The following GABRG3 variants were observed in gnomAD, a reference collection of about 807,000 sequenced individuals.
The protein encoded by GABRG3 is gamma-aminobutyric acid type A receptor subunit gamma3.
GABRG3 carries 25 observed loss-of-function variants against 48.8 expected under a neutral mutation model. That is an observed-to-expected ratio of 0.51 (90% CI 0.37 to 0.72). The LOEUF is 0.72. Among genes scored for constraint, GABRG3 ranks in the 30% least tolerant of loss-of-function variants. The pLI, the probability that GABRG3 is intolerant of heterozygous loss-of-function variation, is 0.00. For synonymous variants in GABRG3, 227 were observed against 217.6 expected (o/e 1.04, Z -0.38); for missense variants, 394 against 577.9 (o/e 0.68, Z 3.26).
At chr15:26,978,698 C>G (rs1486771741) in intron 2 of GABRG3, among the ~76,000 whole-genome samples, 1 of 150,292 alleles carries the variant, frequency 6.7e-6, no homozygotes, top group Admixed American at 6.6e-5. Flanking sequence ...GTCTGTCACT[C>G]TGTCAATACC....
At chr15:27,374,093 G>T (rs1895503805) in intron 5 of GABRG3, among the ~76,000 whole-genome samples, 2 of 144,194 alleles carry the variant, frequency 1.4e-5, no homozygotes, top group South Asian at 4.6e-4. Flanking sequence ...GTCAAAAGGA[G>T]TTCAATCTGA....
chr15:27,019,952 C>T (rs1895857676), intron 2 of GABRG3, among the ~76,000 whole-genome samples: 1 of 152,170 alleles, frequency 6.6e-6, no homozygotes, highest in South Asian at 2.1e-4. Flanking sequence ...ATTTGAAAGG[C>T]AGCAAATGCA....
intron 9 of GABRG3, chr15:27,530,538 T>A: frequency 2.2e-6 from 1 of 455,562 alleles, no homozygotes; most frequent in South Asian, 1.6e-5. Flanking sequence ...AGAGCTATTT[T>A]CAATATTGTA....
intron 7 of GABRG3, among the ~76,000 whole-genome samples, chr15:27,521,301 A>T (rs915351248): frequency 6.6e-6 from 1 of 152,142 alleles, no homozygotes; most frequent in African/African-American, 2.4e-5. Context: ...GACACCAAAA[A>T]GTCTGTGCCT....
intron 3 of GABRG3, among the ~76,000 whole-genome samples, chr15:27,234,077 G>A (rs935971066): frequency 2.6e-5 from 4 of 152,118 alleles, no homozygotes; most frequent in Non-Finnish European, 5.9e-5. Flanking sequence ...TTAGTCTAAG[G>A]AGATTAAAAA....
intron 3 of GABRG3, among the ~76,000 whole-genome samples, chr15:27,308,733 A>T (rs1892863288): frequency 6.7e-6 from 1 of 149,602 alleles, no homozygotes; most frequent in Non-Finnish European, 1.5e-5. Flanking sequence ...TAATGTAAAC[A>T]TACGTTTATA....
intron 5 of GABRG3, among the ~76,000 whole-genome samples, chr15:27,351,713 T>A (rs940556404): frequency 5.1e-5 from 7 of 137,228 alleles, no homozygotes; most frequent in Non-Finnish European, 5.9e-5. Flanking sequence ...ATGGGGTATT[T>A]GTGTGTGTGT....
At chr15:27,435,654 GTTATC>G (rs1163828977) in intron 5 of GABRG3, among the ~76,000 whole-genome samples, 6 of 152,136 alleles carry the variant, frequency 3.9e-5, no homozygotes, top group African/African-American at 1.2e-4. Flanking sequence ...CTAGTCTCTC[GTTATC>G]TTATCTGGGT....
In GABRG3 at chr15:27,476,530, TA is replaced by T. The variant is rs367930836; in HGVS notation, c.575-4110del. Among the ~76,000 whole-genome samples the T allele has an allele frequency of 1.6e-3, 237 of 146,818 alleles. 1 individual carries two copies. Among genetic ancestry groups the T allele is most frequent in the African/African-American group, 5.0e-3 (200 of 40,134 alleles). ...GAGTTGAAAAGTACAATGACTGCAA[TA>T]AAAAAAAAATCACTGGGTTGACATA... On this transcript the variant is annotated intron_variant, in intron 5 of 9. Coordinates refer to ENST00000615808, the MANE Select transcript of GABRG3 (RefSeq NM_033223.5).
intron 5 of GABRG3, among the ~76,000 whole-genome samples, chr15:27,389,168 A>T (rs576538860): frequency 4.3e-4 from 65 of 152,344 alleles, no homozygotes; most frequent in Non-Finnish European, 8.4e-4. Context: ...CCAAATAGAA[A>T]GTTAACAGAA....
intron 5 of GABRG3, among the ~76,000 whole-genome samples, chr15:27,407,613 G>T (rs1195443495): frequency 6.6e-6 from 1 of 152,094 alleles, no homozygotes; most frequent in East Asian, 1.9e-4. Context: ...CCAGACAATG[G>T]AATATTATTC....
At chr15:27,258,906 C>A (rs1890695818) in intron 3 of GABRG3, among the ~76,000 whole-genome samples, 1 of 151,950 alleles carries the variant, frequency 6.6e-6, no homozygotes, top group Non-Finnish European at 1.5e-5. Flanking sequence ...CAGCCTCCTC[C>A]AACACGCCTT....
At chr15:27,520,517 T>C (rs1279844812) in intron 7 of GABRG3, among the ~76,000 whole-genome samples, 1 of 150,666 alleles carries the variant, frequency 6.6e-6, no homozygotes, top group African/African-American at 2.5e-5. Flanking sequence ...AAATAGTTGA[T>C]CAATAATTGA....
At chr15:27,475,993 A>G (rs1889929962) in intron 5 of GABRG3, among the ~76,000 whole-genome samples, 1 of 152,134 alleles carries the variant, frequency 6.6e-6, no homozygotes, top group Non-Finnish European at 1.5e-5. Flanking sequence ...TTATTGGATG[A>G]CCACTACATT....
intron 3 of GABRG3, among the ~76,000 whole-genome samples, chr15:27,206,075 T>A (rs1387953113): frequency 6.6e-6 from 1 of 152,178 alleles, no homozygotes; most frequent in East Asian, 1.9e-4. Flanking sequence ...TCATTTTCGT[T>A]ATTTCCTTTC....
At chr15:27,002,797 G>C (rs571048025) in intron 2 of GABRG3, among the ~76,000 whole-genome samples, 22 of 145,132 alleles carry the variant, frequency 1.5e-4, no homozygotes, top group Non-Finnish European at 2.8e-4. Context: ...AGGAAAGAGA[G>C]AAAGAGAGAA....
chr15:27,192,800 T>TA (rs1888364504), intron 3 of GABRG3, among the ~76,000 whole-genome samples: 1 of 152,212 alleles, frequency 6.6e-6, no homozygotes, highest in Admixed American at 6.5e-5. Flanking sequence ...CTCTGCTTTT[T>TA]AGAGTTTCCA....
intron 5 of GABRG3, among the ~76,000 whole-genome samples, chr15:27,405,535 A>G (rs529113518): frequency 1.3e-5 from 2 of 152,338 alleles, no homozygotes; most frequent in South Asian, 2.1e-4. Flanking sequence ...TCTGTGTCCA[A>G]ACAATTCTAC....
At chr15:27,519,704 A>G (rs1401156578) in intron 6 of GABRG3, among the ~76,000 whole-genome samples, 1 of 152,152 alleles carries the variant, frequency 6.6e-6, no homozygotes, top group Non-Finnish European at 1.5e-5. Flanking sequence ...CCTGTCGTGG[A>G]AGAGATCTGC....
Sources: allele counts gnomAD v4.1 joint callset (sites outside exome capture counted in the v4.1 genomes callset), GRCh38; gene constraint gnomAD v4.1.1; transcripts MANE v1.5; gene names NCBI Gene and HGNC (gene_info 2026-07-23, HGNC 2026-07-21).